Variants in CSMD3 observed in about 807,000 individuals in gnomAD.
CSMD3 encodes CUB and sushi domain-containing protein 3.
Under a neutral mutation model 435.2 loss-of-function variants are expected in CSMD3, and 177 were observed. The ratio of observed to expected loss-of-function variants is 0.41; its 90% CI spans 0.36 to 0.46. The LOEUF is 0.46. CSMD3 is among the 20% of genes least tolerant of loss of function. The pLI is 0.34. For missense variants in CSMD3, 4,265 were observed against 4,504.6 expected (o/e 0.95, Z 1.52); for synonymous variants, 1,656 against 1,520.5 (o/e 1.09, Z -2.07).
At chr8:113,153,101 A>AAAGAAAG (rs35085690) in intron 4 of CSMD3, among the ~76,000 whole-genome samples, 10,554 of 99,600 alleles carry the variant, frequency 0.11, 838 homozygotes, top group East Asian at 0.19. Context: ...AGAAAGAAAG[A>AAAGAAAG]AAAGAAAGAA....
At chr8:112,921,779 T>G (rs768311415) in intron 9 of CSMD3, 28 bp from the exon 10 acceptor site, 2 of 1,570,252 alleles carry the variant, frequency 1.3e-6, no homozygotes, top group Non-Finnish European at 1.8e-6. Context: ...AGAAAAAATA[T>G]GATAAGAAAG....
intron 13 of CSMD3, among the ~76,000 whole-genome samples, chr8:112,775,120 G>A (rs1458447637): frequency 1.3e-5 from 2 of 151,640 alleles, no homozygotes; most frequent in East Asian, 3.9e-4. Flanking sequence ...CTGATACCTT[G>A]TCCCTTTGTC....
rs1819329787 is a variant in CSMD3, at chr8:112,478,755, CTGGTCCTGGA to C, written c.5279-6058_5279-6049del. Among the ~76,000 whole-genome samples, 5 of 152,320 alleles carry C rather than the reference CTGGTCCTGGA, an allele frequency of 3.3e-5. No individual in the cohort carries two copies. In the South Asian group the frequency reaches 1.0e-3, roughly 32 times the overall value. On this transcript the variant is annotated intron_variant, in intron 31 of 70. Coordinates refer to ENST00000297405, the MANE Select transcript of CSMD3 (RefSeq NM_198123.2). ...GCTTGAAGGCTGAAAGACCAGACTGCTGGTCCTGGATGAAACCCGCGACCCAGAGTGAGAA... is the reference window on the plus strand; with the variant it reads ...GCTTGAAGGCTGAAAGACCAGACTGCTGAAACCCGCGACCCAGAGTGAGAA...
intron 12 of CSMD3, among the ~76,000 whole-genome samples, chr8:112,827,206 T>TATATATATATATAAAA (rs1564000450): frequency 7.5e-6 from 1 of 132,760 alleles, no homozygotes; most frequent in African/African-American, 2.9e-5. Flanking sequence ...TATATATATA[T>TATATATATATATAAAA]AATCTTTCTA....
At chr8:112,385,356 A>G (rs138077215) in intron 36 of CSMD3, among the ~76,000 whole-genome samples, 1 of 152,182 alleles carries the variant, frequency 6.6e-6, no homozygotes, top group Non-Finnish European at 1.5e-5. Context: ...TGCATGTAGT[A>G]AAGACTCAAT....
At chr8:112,799,471 T>C (rs1014062435) in intron 13 of CSMD3, among the ~76,000 whole-genome samples, 5 of 151,972 alleles carry the variant, frequency 3.3e-5, no homozygotes, top group Non-Finnish European at 7.4e-5. Context: ...AAAAAATAGA[T>C]TTTTAATTGA....
At chr8:112,357,294 G>A (rs1826711131) in intron 38 of CSMD3, among the ~76,000 whole-genome samples, 1 of 152,156 alleles carries the variant, frequency 6.6e-6, no homozygotes, top group Non-Finnish European at 1.5e-5. Flanking sequence ...TGAGAGAGAT[G>A]ATTTAGGTTA....
At chr8:113,074,392 T>C (rs1339096242) in intron 5 of CSMD3, among the ~76,000 whole-genome samples, 2 of 151,910 alleles carry the variant, frequency 1.3e-5, no homozygotes, top group African/African-American at 2.4e-5. Context: ...AGAATGTAAT[T>C]AAGTTATTTC....
intron 9 of CSMD3, among the ~76,000 whole-genome samples, chr8:112,941,785 G>T (rs1343924933): frequency 6.6e-6 from 1 of 151,338 alleles, no homozygotes. Flanking sequence ...AATTTTAATA[G>T]AATTTATTTT....
intron 59 of CSMD3, among the ~76,000 whole-genome samples, 160 bp downstream of exon 59, chr8:112,281,014 A>G (rs796429118): frequency 4.6e-5 from 7 of 152,282 alleles, no homozygotes; most frequent in African/African-American, 1.7e-4. Flanking sequence ...ATTAGTATAC[A>G]CTCAGCCATG....
chr8:113,127,601 G>C (rs752077035), intron 4 of CSMD3, among the ~76,000 whole-genome samples: 2 of 151,838 alleles, frequency 1.3e-5, no homozygotes, highest in Non-Finnish European at 2.9e-5. Context: ...CACATCACCA[G>C]GTTTACTCCT....
chr8:112,666,463 C>A (rs372773312), intron 16 of CSMD3, 48 bp from the exon 17 acceptor site: 2 of 1,538,026 alleles, frequency 1.3e-6, no homozygotes, highest in Non-Finnish European at 1.8e-6. Context: ...CAAGATAAAT[C>A]GCAGATATTA....
chr8:112,771,001 C>A (rs2078099751), intron 13 of CSMD3, among the ~76,000 whole-genome samples: 1 of 151,904 alleles, frequency 6.6e-6, no homozygotes, highest in African/African-American at 2.4e-5. Context: ...TGCCTGTTTC[C>A]AAATTTCCTC....
intron 13 of CSMD3, among the ~76,000 whole-genome samples, chr8:112,765,773 A>T (rs2077962833): frequency 6.6e-6 from 1 of 151,716 alleles, no homozygotes; most frequent in South Asian, 2.1e-4. Flanking sequence ...TCTGGATTGC[A>T]ACTCTGCGGT....
At chr8:112,327,373 T>C (rs1290373226) in intron 45 of CSMD3, among the ~76,000 whole-genome samples, 1 of 152,124 alleles carries the variant, frequency 6.6e-6, no homozygotes, top group Non-Finnish European at 1.5e-5. Flanking sequence ...CTAGACTCTT[T>C]AAGGGGTAGT....
At chr8:112,783,022 A>G (rs927354899) in intron 13 of CSMD3, among the ~76,000 whole-genome samples, 1 of 152,104 alleles carries the variant, frequency 6.6e-6, no homozygotes, top group Admixed American at 6.6e-5. Flanking sequence ...CACTGGTAAT[A>G]GTAAGTACAC....
At chr8:113,164,465 A>C (rs2092111098) in intron 4 of CSMD3, among the ~76,000 whole-genome samples, 1 of 151,794 alleles carries the variant, frequency 6.6e-6, no homozygotes, top group African/African-American at 2.4e-5. Context: ...TGACTCCTTA[A>C]ATATTTAATG....
At chr8:112,627,163 A>G (rs1197225390) in intron 22 of CSMD3, among the ~76,000 whole-genome samples, 2 of 152,174 alleles carry the variant, frequency 1.3e-5, no homozygotes, top group South Asian at 2.1e-4. Context: ...GATGAATATC[A>G]TACTTTCTAG....
intron 11 of CSMD3, among the ~76,000 whole-genome samples, chr8:112,834,271 GACAT>G (rs1460829178): frequency 6.6e-6 from 1 of 151,782 alleles, no homozygotes; most frequent in Non-Finnish European, 1.5e-5. Context: ...CAGTTTCAGT[GACAT>G]ACAATTACTG....
Sources: gnomAD v4.1 joint callset for allele counts (sites outside exome capture counted in the v4.1 genomes callset) on GRCh38, gnomAD v4.1.1 for gene constraint, MANE v1.5 for transcripts, NCBI Gene and HGNC (gene_info 2026-07-23, HGNC 2026-07-21) for gene names.